The following CCDC125 variants were observed in gnomAD, a reference collection of about 807,000 sequenced individuals.
The protein encoded by CCDC125 is coiled-coil domain containing 125.
Under a neutral mutation model 57.4 loss-of-function variants are expected in CCDC125, and 43 were observed. The ratio of observed to expected loss-of-function variants is 0.75; its 90% CI spans 0.59 to 0.97. The LOEUF is 0.97. Ranked by LOEUF, CCDC125 falls within the 50% of genes least tolerant of loss-of-function variation. The probability of loss-of-function intolerance (pLI) is 0.00; values close to 1 mark genes in which losing one functional copy is unlikely to be tolerated. For missense variants in CCDC125, 563 were observed against 595.7 expected (o/e 0.95, Z 0.57); for synonymous variants, 187 against 195.2 (o/e 0.96, Z 0.35).
chr5:69,279,874 G>C (rs1185358787), downstream of CCDC125, among the ~76,000 whole-genome samples: 1 of 152,190 alleles, frequency 6.6e-6, no homozygotes, highest in Non-Finnish European at 1.5e-5. Flanking sequence ...AAAGGAAAGA[G>C]GTTTAATTGA....
chr5:69,307,578 A>G (rs761906879), intron 5 of CCDC125: 49 of 171,052 alleles, frequency 2.9e-4, no homozygotes, highest in Middle Eastern at 2.9e-3. Flanking sequence ...GCTACTTGGG[A>G]GCCTGAGGCA....
intron 10 of CCDC125, 110 bp downstream of exon 10, chr5:69,292,078 A>T (rs1165128303): frequency 1.0e-6 from 1 of 973,036 alleles, no homozygotes; most frequent in African/African-American, 1.6e-5. Context: ...ACCATATGTG[A>T]AGTTTCAATT....
intron 8 of CCDC125, among the ~76,000 whole-genome samples, chr5:69,297,661 T>C (rs1472079422): frequency 6.6e-6 from 1 of 150,652 alleles, no homozygotes; most frequent in Non-Finnish European, 1.5e-5. Context: ...ACCTGGCCCA[T>C]ATATTTTAAA....
chr5:69,290,629 C>CTCT (rs1754272841), intron 10 of CCDC125, among the ~76,000 whole-genome samples: 1 of 117,778 alleles, frequency 8.5e-6, no homozygotes, highest in African/African-American at 3.3e-5. Context: ...TCTTTTTTTT[C>CTCT]TTTTTTTTTT....
intron 11 of CCDC125, 64 bp downstream of exon 11, chr5:69,285,273 A>G: frequency 1.3e-6 from 2 of 1,576,246 alleles, no homozygotes; most frequent in Middle Eastern, 1.7e-4. Flanking sequence ...CATGCTCCCC[A>G]CGGACCGTGG....
intron 10 of CCDC125, among the ~76,000 whole-genome samples, chr5:69,287,900 C>T (rs1467626468): frequency 6.6e-6 from 1 of 151,920 alleles, no homozygotes; most frequent in Non-Finnish European, 1.5e-5. Context: ...TGCCTTCAGT[C>T]TCTCTCAGTG....
chr5:69,278,164 G>A (rs1313068561), downstream of CCDC125, among the ~76,000 whole-genome samples: 1 of 151,970 alleles, frequency 6.6e-6, no homozygotes, highest in African/African-American at 2.4e-5. Flanking sequence ...TTACAGGCAT[G>A]AGCCACTACA....
intron 1 of CCDC125, among the ~76,000 whole-genome samples, chr5:69,326,250 A>G (rs1238261779): frequency 2.0e-5 from 3 of 152,224 alleles, no homozygotes; most frequent in African/African-American, 7.2e-5. Context: ...CCAAGTTTCT[A>G]TTATTTATGA....
At chr5:69,327,774 T>C (rs1760918315) in intron 1 of CCDC125, among the ~76,000 whole-genome samples, 1 of 152,246 alleles carries the variant, frequency 6.6e-6, no homozygotes, top group Non-Finnish European at 1.5e-5. Flanking sequence ...TTTATTGAAT[T>C]TGAATACTAT....
intron 8 of CCDC125, among the ~76,000 whole-genome samples, chr5:69,297,067 CTTAT>C (rs1218243968): frequency 1.3e-5 from 2 of 152,074 alleles, no homozygotes; most frequent in Non-Finnish European, 2.9e-5. Context: ...TTATTTTATT[CTTAT>C]TTATTTATTT....
Position 69,331,496 on chromosome 5 carries a change from C to T in CCDC125, c.-41+1153G>A, listed in dbSNP as rs74892855. On this transcript the variant is annotated intron_variant, in intron 1 of 11. Transcript: ENST00000396496. ...ATCTGCTCACCGGTCTCCCAAAGTGCTGGAATTACAGGCGTGAGCCACTGC... is the reference window on the plus strand; with the variant it reads ...ATCTGCTCACCGGTCTCCCAAAGTGTTGGAATTACAGGCGTGAGCCACTGC... Among the ~76,000 whole-genome samples, 1,001 of 152,128 alleles carry T rather than the reference C, an allele frequency of 6.6e-3. 8 individuals carry two copies. The highest frequency in any genetic ancestry group is 0.023 in the African/African-American group (945 of 41,538).
At chr5:69,320,786 G>GGTGTGTGT (rs145801965) in intron 1 of CCDC125, among the ~76,000 whole-genome samples, 2 of 148,318 alleles carry the variant, frequency 1.3e-5, no homozygotes, top group African/African-American at 4.9e-5. Flanking sequence ...TATGGTGTGG[G>GGTGTGTGT]GTGTGTGTGT....
chr5:69,305,050 A>C (rs1757114586), intron 6 of CCDC125, among the ~76,000 whole-genome samples: 1 of 151,928 alleles, frequency 6.6e-6, no homozygotes, highest in South Asian at 2.1e-4. Flanking sequence ...AAAAAAAACC[A>C]ACAAAGTATT....
At chr5:69,304,013 C>A in intron 6 of CCDC125, 84 bp from the exon 7 acceptor site, 5 of 695,944 alleles carry the variant, frequency 7.2e-6, no homozygotes, top group South Asian at 6.2e-5. Context: ...AATTGGAACA[C>A]AAAAATCTAA....
chr5:69,285,078 CAG>C (rs1435614952), intron 11 of CCDC125, among the ~76,000 whole-genome samples: 6 of 151,752 alleles, frequency 4.0e-5, no homozygotes, highest in African/African-American at 1.5e-4. Context: ...GCCTGGGTGA[CAG>C]AGACTCTGTC....
chr5:69,325,749 A>G (rs558182799), intron 1 of CCDC125, among the ~76,000 whole-genome samples: 14 of 148,558 alleles, frequency 9.4e-5, no homozygotes, highest in African/African-American at 3.5e-4. Context: ...ACTTGAAACC[A>G]GAAGGTGGAT....
chr5:69,301,856 C>T (rs1756505666), intron 7 of CCDC125, among the ~76,000 whole-genome samples: 1 of 151,734 alleles, frequency 6.6e-6, no homozygotes, highest in Non-Finnish European at 1.5e-5. Flanking sequence ...AAGATTGTGC[C>T]ACTGCACTCC....
intron 8 of CCDC125, among the ~76,000 whole-genome samples, chr5:69,299,766 T>C (rs1756062942): frequency 6.6e-6 from 1 of 152,162 alleles, no homozygotes; most frequent in Admixed American, 6.6e-5. Context: ...CCGCTAGAAC[T>C]GTAAAGATGA....
intron 9 of CCDC125, among the ~76,000 whole-genome samples, chr5:69,293,454 A>G (rs969286773): frequency 2.0e-5 from 3 of 152,034 alleles, no homozygotes; most frequent in African/African-American, 4.8e-5. Context: ...GTTCAAGACC[A>G]GCCTGGCCAA....
Sources: gnomAD v4.1 joint callset for allele counts (sites outside exome capture counted in the v4.1 genomes callset) on GRCh38, gnomAD v4.1.1 for gene constraint, MANE v1.5 for transcripts, NCBI Gene and HGNC (gene_info 2026-07-23, HGNC 2026-07-21) for gene names.